CNTN5: variants seen among roughly 807,000 people sequenced by gnomAD.
The protein encoded by CNTN5 is contactin 5, also known as contactin-5.
In CNTN5, 77 loss-of-function variants were observed where a neutral mutation model predicts 129.1. The ratio of observed to expected loss-of-function variants is 0.60; its 90% CI spans 0.50 to 0.72. CNTN5 has a LOEUF of 0.72. Among genes scored for constraint, CNTN5 ranks in the 30% least tolerant of loss-of-function variants. The pLI is 0.00. For synonymous variants in CNTN5, 509 were observed against 465.6 expected (o/e 1.09, Z -1.20); for missense variants, 1,478 against 1,328.8 (o/e 1.11, Z -1.75).
intron 1 of CNTN5, among the ~76,000 whole-genome samples, chr11:99,170,304 C>G (rs906420168): frequency 2.0e-5 from 3 of 152,090 alleles, no homozygotes; most frequent in Admixed American, 6.6e-5. Context: ...TTCCCAAGGA[C>G]GCACAGGTTA....
chr11:100,038,052 G>A (rs1942135125), intron 9 of CNTN5, among the ~76,000 whole-genome samples: 1 of 151,422 alleles, frequency 6.6e-6, no homozygotes, highest in African/African-American at 2.4e-5. Context: ...TCTTTTAATT[G>A]TGATGTTAGG....
At chr11:99,956,156 G>A (rs1950797070) in intron 7 of CNTN5, among the ~76,000 whole-genome samples, 1 of 151,886 alleles carries the variant, frequency 6.6e-6, no homozygotes, top group African/African-American at 2.4e-5. Context: ...TGTCTTGGTG[G>A]AAGCTTATGA....
At chr11:99,253,316 TC>T (rs1862208888) in intron 1 of CNTN5, among the ~76,000 whole-genome samples, 2 of 152,110 alleles carry the variant, frequency 1.3e-5, no homozygotes, top group Non-Finnish European at 2.9e-5. Flanking sequence ...AAACTGTGAA[TC>T]CATTAAATCT....
At chr11:100,004,775 A>T (rs902717919) in intron 9 of CNTN5, among the ~76,000 whole-genome samples, 2 of 152,218 alleles carry the variant, frequency 1.3e-5, no homozygotes, top group African/African-American at 4.8e-5. Flanking sequence ...GGAGATATGA[A>T]GTGGGCCAGG....
At chr11:99,196,597 G>T (rs527373626) in intron 1 of CNTN5, among the ~76,000 whole-genome samples, 4 of 151,970 alleles carry the variant, frequency 2.6e-5, no homozygotes, top group East Asian at 1.9e-4. Flanking sequence ...TGAAGTAATT[G>T]AAGTATAATT....
At chr11:99,586,730 C>G (rs1051245301) in intron 3 of CNTN5, among the ~76,000 whole-genome samples, 4 of 152,086 alleles carry the variant, frequency 2.6e-5, no homozygotes, top group Admixed American at 2.0e-4. Context: ...TATATGTTCA[C>G]AAAATATATG....
intron 2 of CNTN5, among the ~76,000 whole-genome samples, chr11:99,487,338 A>G (rs1945857366): frequency 6.6e-6 from 1 of 152,226 alleles, no homozygotes; most frequent in African/African-American, 2.4e-5. Context: ...AATTCCTAGG[A>G]ACCATGCTTT....
At chr11:99,364,219 A>T (rs1414968213) in intron 2 of CNTN5, among the ~76,000 whole-genome samples, 1 of 151,956 alleles carries the variant, frequency 6.6e-6, no homozygotes, top group Non-Finnish European at 1.5e-5. Context: ...GTGTTAGCTA[A>T]ATTAAATCAC....
chr11:99,508,606 C>T (rs77865719), intron 2 of CNTN5, among the ~76,000 whole-genome samples: 10,047 of 152,168 alleles, frequency 0.066, 373 homozygotes, highest in African/African-American at 0.099. Flanking sequence ...TATAAAATTA[C>T]AATCTTTAAA....
intron 1 of CNTN5, among the ~76,000 whole-genome samples, chr11:99,091,043 A>C (rs1423668991): frequency 6.6e-6 from 1 of 151,292 alleles, no homozygotes; most frequent in African/African-American, 2.4e-5. Flanking sequence ...AAAAAAAAAA[A>C]AGCCTTATGT....
intron 1 of CNTN5, among the ~76,000 whole-genome samples, chr11:99,128,380 C>A (rs181867384): frequency 1.2e-4 from 19 of 152,320 alleles, no homozygotes; most frequent in African/African-American, 4.3e-4. Context: ...CAGATCACGG[C>A]CAGACTGCTT....
chr11:99,178,068 A>T (rs1382487593), intron 1 of CNTN5, among the ~76,000 whole-genome samples: 1 of 152,148 alleles, frequency 6.6e-6, no homozygotes, highest in Non-Finnish European at 1.5e-5. Context: ...TCGATTATGT[A>T]ACCGTACATG....
chr11:99,349,730 A>T (rs982594755), intron 2 of CNTN5, among the ~76,000 whole-genome samples: 18 of 152,146 alleles, frequency 1.2e-4, no homozygotes, highest in Non-Finnish European at 1.8e-4. Flanking sequence ...AACTTGTGAT[A>T]AACTCATTTA....
intron 1 of CNTN5, among the ~76,000 whole-genome samples, chr11:99,263,995 T>A (rs775379953): frequency 6.6e-6 from 1 of 152,056 alleles, no homozygotes; most frequent in Non-Finnish European, 1.5e-5. Context: ...CTGTTTACAG[T>A]TCTGGCTGTA....
chr11:99,252,423 T>C (rs1428477759), intron 1 of CNTN5, among the ~76,000 whole-genome samples: 1 of 151,546 alleles, frequency 6.6e-6, no homozygotes, highest in Non-Finnish European at 1.5e-5. Flanking sequence ...TTATTTTGAA[T>C]AATCATATTT....
At position 100,051,340 on chromosome 11, in the gene CNTN5, GA is replaced by G. The variant is rs952896129; in HGVS notation, c.981-9870del. 6.6e-5 allele frequency among the ~76,000 whole-genome samples: 10 copies of G among 151,906 alleles called. No individual in the cohort carries two copies. In the South Asian group the frequency reaches 2.1e-3, roughly 32 times the overall value. Reference sequence around the variant, plus strand: ...ATTAAATTATGTATCAATAACAAAAGAATACTTTAAAAATCACCAAATATTT... The same window carrying G: ...ATTAAATTATGTATCAATAACAAAAGATACTTTAAAAATCACCAAATATTT... On this transcript the variant is annotated intron_variant, in intron 9 of 24. Coordinates refer to ENST00000524871, the MANE Select transcript of CNTN5 (RefSeq NM_014361.4).
intron 3 of CNTN5, among the ~76,000 whole-genome samples, chr11:99,669,476 A>T (rs2453256): frequency 1.8e-5 from 1 of 54,846 alleles, no homozygotes; most frequent in South Asian, 6.1e-4. Flanking sequence ...GTGTGTGTAT[A>T]TGTGTATACA....
At position 99,864,352 on chromosome 11, in the gene CNTN5, T is replaced by A. The variant is rs115293263; in HGVS notation, c.577+19090T>A. On this transcript the variant is annotated intron_variant, in intron 6 of 24. Coordinates refer to ENST00000524871, the MANE Select transcript of CNTN5 (RefSeq NM_014361.4). ...TGTGCCTTCTCTTCCTGCCACTCAC[T>A]CTCTGCTATCGTCCTGCCACTCACT... Among the ~76,000 whole-genome samples the A allele has an allele frequency of 8.0e-3, 1,218 of 152,124 alleles. 15 individuals are homozygous for A. Among genetic ancestry groups the A allele is most frequent in the African/African-American group, 0.028 (1,160 of 41,506 alleles).
At chr11:100,177,856 A>G (rs1948018756) in intron 13 of CNTN5, among the ~76,000 whole-genome samples, 1 of 152,066 alleles carries the variant, frequency 6.6e-6, no homozygotes, top group Non-Finnish European at 1.5e-5. Context: ...ATGACGTCAT[A>G]TACTTTCAGC....
Sources: gnomAD v4.1 joint callset for allele counts (sites outside exome capture counted in the v4.1 genomes callset) on GRCh38, gnomAD v4.1.1 for gene constraint, MANE v1.5 for transcripts, NCBI Gene and HGNC (gene_info 2026-07-23, HGNC 2026-07-21) for gene names.